Variants in ZBTB7A observed in about 807,000 individuals in gnomAD.
ZBTB7A encodes the protein zinc finger and BTB domain containing 7A, also known as zinc finger and BTB domain-containing protein 7A.
A neutral mutation model predicts 26.7 loss-of-function variants in ZBTB7A; 7 were observed. That is an observed-to-expected ratio of 0.26 (90% CI 0.15 to 0.49). The LOEUF (loss-of-function observed/expected upper bound fraction) is 0.49, where lower values mean the gene tolerates loss of function less well. ZBTB7A is among the 20% of genes least tolerant of loss of function. The pLI, the probability that ZBTB7A is intolerant of heterozygous loss-of-function variation, is 0.98. For synonymous variants in ZBTB7A, 452 were observed against 441.0 expected (o/e 1.02, Z -0.31); for missense variants, 617 against 919.5 (o/e 0.67, Z 4.25).
In ZBTB7A at chr19:4,056,314, T is replaced by C. The variant is rs150383296; in HGVS notation, c.-15-1067A>G. 5.4e-4 allele frequency among the ~76,000 whole-genome samples: 82 copies of C among 152,354 alleles called. No homozygotes were observed. In the East Asian group the frequency reaches 7.7e-3, roughly 14 times the overall value. ...CTAGCTGTGCCCAAGAGCAGTCAGA[T>C]GCCCTGTTCTGTCTCATCAGCGTGA... is the stretch of plus-strand genomic sequence containing the variant. On this transcript the variant is annotated intron_variant, in intron 1 of 2. Coordinates refer to ENST00000322357, the MANE Select transcript of ZBTB7A (RefSeq NM_015898.4).
At chr19:4,065,940 G>C (rs1376574660) in intron 1 of ZBTB7A, among the ~76,000 whole-genome samples, 1 of 125,812 alleles carries the variant, frequency 7.9e-6, no homozygotes, top group South Asian at 2.5e-4. Context: ...GCGCCGCGCC[G>C]CGCGATCGGC....
intron 1 of ZBTB7A, among the ~76,000 whole-genome samples, chr19:4,057,076 C>T (rs1045700362): frequency 1.4e-5 from 2 of 147,672 alleles, no homozygotes; most frequent in African/African-American, 2.5e-5. Context: ...GGGCTGGGCA[C>T]TGTGGCTCAC....
At chr19:4,057,608 T>C (rs186528250) in intron 1 of ZBTB7A, among the ~76,000 whole-genome samples, 21 of 151,132 alleles carry the variant, frequency 1.4e-4, no homozygotes, top group Admixed American at 4.6e-4. Flanking sequence ...GGCAACATGG[T>C]GAAACCCCAT....
intron 1 of ZBTB7A, among the ~76,000 whole-genome samples, chr19:4,059,163 C>A (rs1182157389): frequency 6.6e-6 from 1 of 152,196 alleles, no homozygotes; most frequent in Non-Finnish European, 1.5e-5. Context: ...CCCACCCCAG[C>A]ATGGGGGGAG....
chr19:4,054,236 C>A lies in ZBTB7A; in HGVS notation c.997G>T (p.Ala333Ser), dbSNP rs530069481. 2.5e-6 allele frequency: 4 copies of A among 1,581,892 alleles called. No individual in the cohort carries two copies. The highest frequency in any genetic ancestry group is 3.4e-6 in the Non-Finnish European group (4 of 1,170,878). Residue 333 changes from alanine to serine, a missense_variant, in exon 2 of 3, where the codon GCG becomes TCG. By Grantham distance (99) the Ala-to-Ser change is moderately conservative. This residue lies in a region of ZBTB7A where 331 missense variants were observed against 391.3 expected (regional missense o/e 0.85). Transcript: ENST00000322357. ...GACTCCTCGTCGCTGTCCCCCGCCGCGGCCCCCGCCCGGCCCACCGATGAC... is the reference window on the plus strand; with the variant it reads ...GACTCCTCGTCGCTGTCCCCCGCCGAGGCCCCCGCCCGGCCCACCGATGAC... ...MMSSVGRAGA[A>S]AGDSDEESRA...
chr19:4,063,911 C>G (rs746442342), intron 1 of ZBTB7A, among the ~76,000 whole-genome samples: 1 of 152,204 alleles, frequency 6.6e-6, no homozygotes, highest in Admixed American at 6.5e-5. Flanking sequence ...GACCTCCCCT[C>G]CCGGCCTTGG....
At position 4,044,748 on chromosome 19, in the gene ZBTB7A, C is replaced by A. The variant is rs1162865753; in HGVS notation, c.*3004G>T. 2.9e-5 allele frequency: 4 copies of A among 140,152 alleles called. No individual in the cohort carries two copies. The highest frequency in any genetic ancestry group is 4.6e-5 in the Non-Finnish European group (3 of 64,756). The allele number at this position is 140,152 out of a possible 1,614,324, so 8.7% of individuals were successfully genotyped here. A position where few individuals can be genotyped will look rare whatever the true frequency, so the allele number is the denominator to read the frequency against. ...CCCCAAAAAAAGAAAACACAAAAAA[C>A]CCCAAACAACCAAACAAAAAAGCTT... On this transcript the variant is annotated 3_prime_UTR_variant, in exon 3 of 3. Coordinates refer to ENST00000322357, the MANE Select transcript of ZBTB7A (RefSeq NM_015898.4).
rs1251701005 is a variant in ZBTB7A at position 4,044,332 on chromosome 19, T to C, written c.*3420A>G. 2 of 152,058 alleles carry C rather than the reference T, an allele frequency of 1.3e-5. No homozygotes were observed. The highest frequency in any genetic ancestry group is 2.9e-5 in the Non-Finnish European group (2 of 68,016). 9.4% of individuals were successfully genotyped at this position (152,058 alleles called of 1,614,324 possible). ...CCAGGCCGGGCCTGCTCCGGCATTT[T>C]ACATTCACTGGTTTATAATTTTTTT... On this transcript the variant is annotated 3_prime_UTR_variant, in exon 3 of 3. Coordinates refer to ENST00000322357, the MANE Select transcript of ZBTB7A (RefSeq NM_015898.4).
chr19:4,054,432 C>T lies in ZBTB7A; in HGVS notation c.801G>A (p.Thr267=), dbSNP rs1208835293. 1.3e-5 allele frequency: 18 copies of T among 1,360,368 alleles called. No homozygotes were observed. The highest frequency in any genetic ancestry group is 3.1e-5 in the African/African-American group (2 of 64,292). The allele number at this position is 1,360,368 out of a possible 1,614,324, so 84.3% of individuals were successfully genotyped here. A position where few individuals can be genotyped will look rare whatever the true frequency, so the allele number is the denominator to read the frequency against. The change falls in exon 2 of 3, where the codon ACG becomes ACA. Residue 267 remains threonine, a synonymous_variant. Transcript: ENST00000322357. ...CGCCGCGGCCGTAGTGGCCGTTCTG[C>T]GTGGCGGCCGGCGGGGCCACCGGCG... ...FPPPVAPPAA[T]QNGHYGRGGE... is the part of the protein sequence containing the mutation.
chr19:4,056,252 C>T (rs2040576501), intron 1 of ZBTB7A, among the ~76,000 whole-genome samples: 1 of 152,166 alleles, frequency 6.6e-6, no homozygotes, highest in African/African-American at 2.4e-5. Context: ...TGCATGAGGA[C>T]AGTCAGGTTT....
intron 1 of ZBTB7A, chr19:4,062,286 C>A (rs894225220): frequency 6.6e-6 from 1 of 152,268 alleles, no homozygotes; most frequent in African/African-American, 2.4e-5. Flanking sequence ...CCACGCTCCT[C>A]CCGAGCGCCG....
intron 1 of ZBTB7A, among the ~76,000 whole-genome samples, chr19:4,066,114 G>A (rs978248605): frequency 1.3e-5 from 2 of 149,848 alleles, no homozygotes; most frequent in African/African-American, 4.9e-5. Flanking sequence ...AAGCCCAGAG[G>A]TCCCTGCGGC....
intron 1 of ZBTB7A, among the ~76,000 whole-genome samples, chr19:4,059,924 C>T (rs1401951666): frequency 2.6e-5 from 4 of 152,172 alleles, no homozygotes; most frequent in African/African-American, 9.7e-5. Context: ...ACTGTGCGCC[C>T]GACACACGGT....
At position 4,054,739 on chromosome 19, in the gene ZBTB7A, T is replaced by C. The variant is rs779312508; in HGVS notation, c.494A>G (p.Gln165Arg). The C allele has an allele frequency of 6.4e-7, 1 of 1,570,088 alleles. No individual in the cohort carries two copies. Among genetic ancestry groups the C allele is most frequent in the South Asian group, 1.2e-5 (1 of 86,330 alleles). Reference sequence around the variant, plus strand: ...GGGCAGGCTGTTCATGGGGTTGCTCTGGAAGAACTCGAGGTACTCCTTGGC... The same window carrying C: ...GGGCAGGCTGTTCATGGGGTTGCTCCGGAAGAACTCGAGGTACTCCTTGGC... ...LRAKEYLEFFQSNPMNSLPPA... is the reference protein window; with the variant it reads ...LRAKEYLEFFRSNPMNSLPPA... The change falls in exon 2 of 3, where the codon CAG (glutamine) becomes CGG (arginine). Residue 165 changes from glutamine to arginine, a missense_variant. Gln to Arg is a conservative substitution (Grantham distance 43). This residue lies in a region of ZBTB7A where 331 missense variants were observed against 391.3 expected (regional missense o/e 0.85). Coordinates refer to ENST00000322357, the MANE Select transcript of ZBTB7A (RefSeq NM_015898.4).
In ZBTB7A at chr19:4,047,917, C is replaced by G. The variant is rs761836601; in HGVS notation, c.1590G>C (p.Arg530=). ...TAAAGTGCTTCTCCTGGCCGTTGCG[C>G]CGGGCGTCGGGGGAGCTGGGCTGGG... ...APAQPSSPDA[R]RNGQEKHFKD... The change falls in exon 3 of 3, where the codon CGG becomes CGC. Residue 530 remains arginine, a synonymous_variant. Transcript: ENST00000322357. 1 of 1,529,944 alleles carries G rather than the reference C, an allele frequency of 6.5e-7. No homozygotes were observed. The highest frequency in any genetic ancestry group is 2.0e-5 in the Admixed American group (1 of 49,526). The allele number at this position is 1,529,944 out of a possible 1,614,324, so 94.8% of individuals were successfully genotyped here.
intron 1 of ZBTB7A, among the ~76,000 whole-genome samples, chr19:4,060,591 C>T (rs765741440): frequency 6.6e-6 from 1 of 152,202 alleles, no homozygotes; most frequent in Non-Finnish European, 1.5e-5. Context: ...AGCACCCTGA[C>T]GTGGCTCAGG....
Position 4,044,313 on chromosome 19 carries a change from C to G in ZBTB7A, c.*3439G>C, listed in dbSNP as rs201411381. ...CTGCAGGTCCACACCCATGCCAGGC[C>G]GGGCCTGCTCCGGCATTTTACATTC... On this transcript the variant is annotated 3_prime_UTR_variant, in exon 3 of 3. Transcript: ENST00000322357. 2.0e-5 allele frequency: 3 copies of G among 151,710 alleles called. No individual in the cohort carries two copies. The highest frequency in any genetic ancestry group is 4.4e-5 in the Non-Finnish European group (3 of 67,938). The allele number at this position is 151,710 out of a possible 1,614,324, so 9.4% of individuals were successfully genotyped here.
In ZBTB7A at chr19:4,043,453, A is replaced by AG. The variant is rs2040370218; in HGVS notation, c.*4298dup. On this transcript the variant is annotated 3_prime_UTR_variant, in exon 3 of 3. Transcript: ENST00000322357. Reference sequence around the variant, plus strand: ...CACTCCCAAAAAGTGCATTTTTATCAGTTTTTTTTTTTTTTAAATCTCCCA... The same window carrying AG: ...CACTCCCAAAAAGTGCATTTTTATCAGGTTTTTTTTTTTTTTAAATCTCCCA... Among the ~76,000 whole-genome samples, 6 of 73,858 alleles carry AG rather than the reference A, an allele frequency of 8.1e-5. No homozygotes were observed. In the South Asian group the frequency reaches 2.1e-3, roughly 25 times the overall value. The allele number at this position is 73,858 out of a possible 152,430, so 48.5% of individuals were successfully genotyped here.
At chr19:4,059,945 G>A (rs371544267) in intron 1 of ZBTB7A, among the ~76,000 whole-genome samples, 13 of 152,284 alleles carry the variant, frequency 8.5e-5, no homozygotes, top group South Asian at 8.3e-4. Context: ...ACACGCCTCC[G>A]GAGGTGGCGG....
Sources: gnomAD v4.1 joint callset for allele counts (sites outside exome capture counted in the v4.1 genomes callset) on GRCh38, gnomAD v4.1.1 for gene constraint, gnomAD v4.1.1 regional missense constraint, MANE v1.5 for transcripts, NCBI Gene and HGNC (gene_info 2026-07-23, HGNC 2026-07-21) for gene names.